RBM6: variants seen among roughly 807,000 people sequenced by gnomAD.
RBM6 encodes the protein RNA binding motif protein 6.
In RBM6, 23 loss-of-function variants were observed where a neutral mutation model predicts 140.4. The observed-to-expected ratio is 0.16, with a 90% confidence interval of 0.12 to 0.23. RBM6 has a LOEUF of 0.23. Among genes scored for constraint, RBM6 ranks in the 10% least tolerant of loss-of-function variants. The pLI, the probability that RBM6 is intolerant of heterozygous loss-of-function variation, is 1.00. For synonymous variants in RBM6, 439 were observed against 475.6 expected (o/e 0.92, Z 1.00); for missense variants, 1,139 against 1,386.7 (o/e 0.82, Z 2.84).
At chr3:50,029,068 GA>G (rs1248467527) in intron 6 of RBM6, among the ~76,000 whole-genome samples, 9 of 152,080 alleles carry the variant, frequency 5.9e-5, no homozygotes, top group Admixed American at 5.9e-4. Context: ...TTTTACTCTG[GA>G]ATGTAGTGAA....
intron 5 of RBM6, among the ~76,000 whole-genome samples, chr3:49,975,766 A>G (rs986354635): frequency 3.3e-5 from 5 of 152,238 alleles, no homozygotes; most frequent in African/African-American, 1.2e-4. Flanking sequence ...TTTTACATTC[A>G]TTGCTTCAGT....
intron 3 of RBM6, among the ~76,000 whole-genome samples, chr3:49,969,758 T>C (rs1186512980): frequency 6.6e-6 from 1 of 151,250 alleles, no homozygotes; most frequent in Non-Finnish European, 1.5e-5. Context: ...CCAGCCACTA[T>C]GCCTGGCTAG....
chr3:50,040,836 G>A (rs557335284), intron 6 of RBM6, among the ~76,000 whole-genome samples: 1 of 151,920 alleles, frequency 6.6e-6, no homozygotes, highest in East Asian at 1.9e-4. Context: ...GTAGAGGCGG[G>A]GTTTTATCAC....
chr3:50,029,736 A>T (rs907084103), intron 6 of RBM6, among the ~76,000 whole-genome samples: 10 of 152,080 alleles, frequency 6.6e-5, no homozygotes, highest in African/African-American at 2.4e-4. Flanking sequence ...CTGTCTCAAA[A>T]AATAATAATA....
chr3:50,003,155 A>T lies in RBM6; in HGVS notation c.1557+3642A>T, dbSNP rs558140791. ...TTGAATAAATAAATAAATAAATAAA[A>T]TAAATATTTGTGGAAGATAAAATGT... On this transcript the variant is annotated intron_variant, in intron 6 of 20. Coordinates refer to ENST00000266022, the MANE Select transcript of RBM6 (RefSeq NM_005777.3). Among the ~76,000 whole-genome samples, 142 of 151,996 alleles carry T rather than the reference A, an allele frequency of 9.3e-4. 1 individual carries two copies. The highest frequency in any genetic ancestry group is 2.5e-3 in the African/African-American group (105 of 41,498).
intron 6 of RBM6, among the ~76,000 whole-genome samples, chr3:50,015,416 T>TTTA (rs1371889339): frequency 1.2e-4 from 17 of 144,534 alleles, no homozygotes; most frequent in South Asian, 2.2e-4. Context: ...AAATTTTTAT[T>TTTA]TTATTATTAT....
Position 50,053,348 on chromosome 3 carries a change from A to C in RBM6, c.1633-987A>C, listed in dbSNP as rs373864140. On this transcript the variant is annotated intron_variant, in intron 7 of 20. Coordinates refer to ENST00000266022, the MANE Select transcript of RBM6 (RefSeq NM_005777.3). Reference sequence around the variant, plus strand: ...GGAGTTCGAGACCAGCCTGACCAACATGGAGAAACCCTGCCTCTACTAAAA... The same window carrying C: ...GGAGTTCGAGACCAGCCTGACCAACCTGGAGAAACCCTGCCTCTACTAAAA... Among the ~76,000 whole-genome samples, 5 of 152,244 alleles carry C rather than the reference A, an allele frequency of 3.3e-5. No homozygotes were observed. In the East Asian group the frequency reaches 9.7e-4, roughly 29 times the overall value.
chr3:49,991,918 CTTTAT>C (rs138310398), intron 5 of RBM6, among the ~76,000 whole-genome samples: 73 of 132,960 alleles, frequency 5.5e-4, no homozygotes, highest in African/African-American at 9.3e-4. Context: ...ATCCCAGAGC[CTTTAT>C]TTTATTTTAT....
chr3:50,021,740 C>CTTTTTTTCTTT (rs2087493341), intron 6 of RBM6, among the ~76,000 whole-genome samples: 1 of 42,732 alleles, frequency 2.3e-5, no homozygotes, highest in Non-Finnish European at 4.1e-5. Flanking sequence ...AATTTAAGTG[C>CTTTTTTTCTTT]TTTTTTTTTT....
At chr3:49,949,159 G>T (rs1219655466) in intron 1 of RBM6, among the ~76,000 whole-genome samples, 2 of 151,548 alleles carry the variant, frequency 1.3e-5, no homozygotes, top group East Asian at 2.0e-4. Flanking sequence ...AATTATACAA[G>T]AATTTATTAT....
chr3:49,993,511 G>A (rs1301332294), intron 5 of RBM6, among the ~76,000 whole-genome samples: 2 of 152,006 alleles, frequency 1.3e-5, no homozygotes, highest in African/African-American at 2.4e-5. Context: ...GCATGGTGGC[G>A]CATGCCTGTA....
intron 6 of RBM6, among the ~76,000 whole-genome samples, chr3:50,023,713 T>A (rs1455097321): frequency 7.1e-6 from 1 of 141,004 alleles, no homozygotes; most frequent in Non-Finnish European, 1.5e-5. Flanking sequence ...GGCTGTGCAA[T>A]GATGTGATCT....
chr3:49,959,037 C>T (rs1370444718), intron 1 of RBM6, among the ~76,000 whole-genome samples: 1 of 152,008 alleles, frequency 6.6e-6, no homozygotes, highest in Admixed American at 6.6e-5. Flanking sequence ...TCGTGACCAA[C>T]CCACTTCGGC....
At chr3:50,020,511 T>C (rs1344132146) in intron 6 of RBM6, among the ~76,000 whole-genome samples, 1 of 152,254 alleles carries the variant, frequency 6.6e-6, no homozygotes, top group Non-Finnish European at 1.5e-5. Flanking sequence ...GCTATAAATT[T>C]CCCTCTCAGC....
In RBM6 at chr3:49,962,637, A is replaced by C; in HGVS notation, c.-5A>C. ...TACTTGTTGGGGCCCTCTTGATAAA[A>C]AGAGATGTGGGGGGATTCTCGACCT... On this transcript the variant is annotated 5_prime_UTR_variant, in exon 2 of 21. Coordinates refer to ENST00000266022, the MANE Select transcript of RBM6 (RefSeq NM_005777.3). 1 of 1,588,738 alleles carries C rather than the reference A, an allele frequency of 6.3e-7. No homozygotes were observed. The highest frequency in any genetic ancestry group is 8.5e-7 in the Non-Finnish European group (1 of 1,171,784).
intron 5 of RBM6, among the ~76,000 whole-genome samples, chr3:49,993,475 C>CT (rs1339679868): frequency 3.9e-5 from 6 of 152,224 alleles, no homozygotes; most frequent in African/African-American, 1.4e-4. Flanking sequence ...AACCCCATCT[C>CT]TACTAAAAGT....
At chr3:50,014,016 G>T (rs2086988670) in intron 6 of RBM6, among the ~76,000 whole-genome samples, 2 of 152,132 alleles carry the variant, frequency 1.3e-5, no homozygotes, top group Admixed American at 1.3e-4. Context: ...TCCACACAAA[G>T]AATCATCTGG....
At chr3:49,999,548 G>A in intron 6 of RBM6, 35 bp downstream of exon 6, 1 of 1,530,918 alleles carries the variant, frequency 6.5e-7, no homozygotes, top group South Asian at 1.1e-5. Flanking sequence ...ATGCTGGAAG[G>A]ATATATTTTT....
intron 1 of RBM6, among the ~76,000 whole-genome samples, chr3:49,957,824 G>A (rs1012676682): frequency 4.8e-5 from 7 of 147,294 alleles, no homozygotes; most frequent in Non-Finnish European, 7.4e-5. Flanking sequence ...CTTTACCAGA[G>A]ATCTTTCTTT....
Sources: gnomAD v4.1 joint callset for allele counts (sites outside exome capture counted in the v4.1 genomes callset) on GRCh38, gnomAD v4.1.1 for gene constraint, MANE v1.5 for transcripts, NCBI Gene and HGNC (gene_info 2026-07-23, HGNC 2026-07-21) for gene names.